The following NAV3 variants were observed in gnomAD, a reference collection of about 807,000 sequenced individuals.
NAV3 encodes pore membrane and/or filament interacting like protein 1.
In NAV3, 87 loss-of-function variants were observed where a neutral mutation model predicts 244.7. The observed-to-expected ratio is 0.36, with a 90% CI of 0.30 to 0.42. The LOEUF is 0.42. NAV3 is among the 20% of genes least tolerant of loss of function. The probability of loss-of-function intolerance (pLI) is 1.00; values close to 1 mark genes in which losing one functional copy is unlikely to be tolerated. For missense variants in NAV3, 2,663 were observed against 2,893.3 expected (o/e 0.92, Z 1.83); for synonymous variants, 1,126 against 1,042.2 (o/e 1.08, Z -1.55).
At chr12:77,676,730 G>A (rs150052254) in intron 2 of NAV3, among the ~76,000 whole-genome samples, 136 of 152,186 alleles carry the variant, frequency 8.9e-4, no homozygotes, top group African/African-American at 3.0e-3. Flanking sequence ...CCTAATGCAT[G>A]TGGAGCTTAA....
chr12:77,889,716 G>A (rs1883713427), intron 1 of NAV3, among the ~76,000 whole-genome samples: 1 of 152,138 alleles, frequency 6.6e-6, no homozygotes, highest in Admixed American at 6.6e-5. Context: ...TAGTAGAGAT[G>A]TAAATTAATT....
At chr12:77,580,616 C>T (rs1260192823) in intron 2 of NAV3, among the ~76,000 whole-genome samples, 1 of 152,152 alleles carries the variant, frequency 6.6e-6, no homozygotes, top group Non-Finnish European at 1.5e-5. Context: ...CAAGGTTACC[C>T]TTAATTCATG....
chr12:77,884,402 T>G (rs1883037745), intron 1 of NAV3, among the ~76,000 whole-genome samples: 1 of 152,108 alleles, frequency 6.6e-6, no homozygotes, highest in African/African-American at 2.4e-5. Flanking sequence ...ATACTGGTAG[T>G]GTGGCTCAGT....
chr12:77,859,223 C>A (rs1280845435), intron 1 of NAV3, among the ~76,000 whole-genome samples: 1 of 151,978 alleles, frequency 6.6e-6, no homozygotes, highest in Non-Finnish European at 1.5e-5. Flanking sequence ...TTAATTCATG[C>A]AAATCTTAGC....
chr12:77,595,107 C>T (rs1212335597), intron 2 of NAV3, among the ~76,000 whole-genome samples: 1 of 152,064 alleles, frequency 6.6e-6, no homozygotes, highest in African/African-American at 2.4e-5. Context: ...TCTGCACTCC[C>T]ATGTTGATTA....
Position 78,050,088 on chromosome 12 carries a change from C to A in NAV3, c.2119C>A (p.Gln707Lys), listed in dbSNP as rs759762325. The A allele has an allele frequency of 1.2e-6, 2 of 1,606,710 alleles. No individual in the cohort carries two copies. Among genetic ancestry groups the A allele is most frequent in the Non-Finnish European group, 8.5e-7 (1 of 1,177,502 alleles). The change falls in exon 10 of 40, where the codon CAG (glutamine) becomes AAG (lysine). Residue 707 changes from glutamine (Q) to lysine (K), a missense_variant. Physicochemically the swap from Gln to Lys is moderately conservative, Grantham distance 53. This residue lies in a region of NAV3 where 1,521 missense variants were observed against 1,497.0 expected (regional missense o/e 1.02). Transcript: ENST00000397909. ...GACTATGTCCAGTCTTCGTGGGACT[C>A]AGATAAGCCACAGGTTTTTTTCAAT... ...EETMSSLRGT[Q>K]ISHSTLETTF...
chr12:77,585,210 C>A (rs1425611462), intron 2 of NAV3, among the ~76,000 whole-genome samples: 1 of 152,176 alleles, frequency 6.6e-6, no homozygotes, highest in African/African-American at 2.4e-5. Context: ...ACTTCAGCAA[C>A]TGTAGCTGCA....
intron 2 of NAV3, among the ~76,000 whole-genome samples, chr12:77,648,228 C>G (rs1240493567): frequency 6.6e-6 from 1 of 152,084 alleles, no homozygotes; most frequent in African/African-American, 2.4e-5. Context: ...TATTGTCAAA[C>G]AGTCTGATCC....
At chr12:77,653,597 A>G (rs1872927538) in intron 2 of NAV3, among the ~76,000 whole-genome samples, 1 of 152,210 alleles carries the variant, frequency 6.6e-6, no homozygotes, top group African/African-American at 2.4e-5. Context: ...TTATAGCCAT[A>G]TAACACTATT....
At chr12:78,131,172 T>C (rs1489819060) in intron 18 of NAV3, among the ~76,000 whole-genome samples, 1 of 152,186 alleles carries the variant, frequency 6.6e-6, no homozygotes, top group African/African-American at 2.4e-5. Context: ...AGTTGGACTT[T>C]CCAGCTTTCA....
intron 2 of NAV3, among the ~76,000 whole-genome samples, chr12:77,756,107 G>A (rs1258356935): frequency 6.6e-6 from 1 of 152,084 alleles, no homozygotes; most frequent in East Asian, 1.9e-4. Flanking sequence ...GATAATAAAA[G>A]TATCATCCTT....
At chr12:77,822,323 T>G (rs533807870) in intron 2 of NAV3, among the ~76,000 whole-genome samples, 1 of 152,182 alleles carries the variant, frequency 6.6e-6, no homozygotes, top group Admixed American at 6.5e-5. Flanking sequence ...TTTAATCCCT[T>G]GTACTCATCA....
chr12:77,709,766 C>A (rs76348823), intron 2 of NAV3, among the ~76,000 whole-genome samples: 5,014 of 152,218 alleles, frequency 0.033, 160 homozygotes, highest in Middle Eastern at 0.037. Flanking sequence ...CAAATTGCAA[C>A]CTTGGTAATA....
intron 12 of NAV3, among the ~76,000 whole-genome samples, chr12:78,092,795 C>T (rs907684238): frequency 1.3e-5 from 2 of 152,136 alleles, no homozygotes; most frequent in East Asian, 1.9e-4. Flanking sequence ...CCACCGCGCC[C>T]GGCCGTGTTA....
intron 12 of NAV3, among the ~76,000 whole-genome samples, chr12:78,113,900 C>A (rs1458524542): frequency 6.6e-6 from 1 of 152,114 alleles, no homozygotes; most frequent in Non-Finnish European, 1.5e-5. Context: ...GTTCCAATTC[C>A]AAACCATATC....
At chr12:78,180,551 G>C (rs1245886544) in intron 29 of NAV3, among the ~76,000 whole-genome samples, 1 of 151,934 alleles carries the variant, frequency 6.6e-6, no homozygotes, top group Non-Finnish European at 1.5e-5. Flanking sequence ...AAAATGAGAA[G>C]TGTTATGAAT....
intron 1 of NAV3, among the ~76,000 whole-genome samples, chr12:77,889,889 C>A (rs1824883): frequency 0.27 from 41,350 of 151,970 alleles, 5,722 homozygotes; most frequent in Middle Eastern, 0.36. Flanking sequence ...ATACATAGAT[C>A]AGCCGTTATA....
chr12:77,917,225 T>C (rs115927679), intron 1 of NAV3, among the ~76,000 whole-genome samples: 120 of 152,084 alleles, frequency 7.9e-4, no homozygotes, highest in African/African-American at 2.8e-3. Flanking sequence ...TCCTTATAAC[T>C]AAATGGCACA....
chr12:78,140,383 G>T (rs759836028), intron 20 of NAV3, 49 bp downstream of exon 20: 1 of 1,429,350 alleles, frequency 7.0e-7, no homozygotes, highest in South Asian at 1.1e-5. Flanking sequence ...CATGCACACA[G>T]ATGATGAAAT....
Sources: allele counts gnomAD v4.1 joint callset (sites outside exome capture counted in the v4.1 genomes callset), GRCh38; gene constraint gnomAD v4.1.1; regional missense constraint gnomAD v4.1.1; transcripts MANE v1.5; gene names NCBI Gene and HGNC (gene_info 2026-07-23, HGNC 2026-07-21).